Variants in MNAT1 observed in about 807,000 individuals in gnomAD.
The protein encoded by MNAT1 is MNAT1 component of CDK activating kinase.
MNAT1 carries 43 observed loss-of-function variants against 42.0 expected under a neutral mutation model. That is an observed-to-expected ratio of 1.02 (90% CI 0.80 to 1.32). The LOEUF is 1.32. Ranked by LOEUF, MNAT1 falls within the 40% of genes most tolerant of loss-of-function variation. MNAT1 has a pLI of 0.00. For synonymous variants in MNAT1, 118 were observed against 120.0 expected, an observed-to-expected ratio of 0.98 and a Z score of 0.11; for missense variants, 306 against 350.4, an observed-to-expected ratio of 0.87 and a Z score of 1.01.
At chr14:60,821,516 T>A (rs1161075879) in intron 6 of MNAT1, among the ~76,000 whole-genome samples, 1 of 152,210 alleles carries the variant, frequency 6.6e-6, no homozygotes, top group African/African-American at 2.4e-5. Context: ...GATCCTGAAG[T>A]ACTTTCAAGT....
At chr14:60,772,829 C>T (rs2031108545) in intron 1 of MNAT1, among the ~76,000 whole-genome samples, 1 of 150,688 alleles carries the variant, frequency 6.6e-6, no homozygotes, top group African/African-American at 2.4e-5. Flanking sequence ...AAGAGTAATC[C>T]CAAGGCTTTG....
At chr14:60,864,523 A>G (rs1331611135) in intron 6 of MNAT1, among the ~76,000 whole-genome samples, 1 of 152,066 alleles carries the variant, frequency 6.6e-6, no homozygotes, top group African/African-American at 2.4e-5. Context: ...AACAGGTAAA[A>G]CATACTTACC....
intron 1 of MNAT1, among the ~76,000 whole-genome samples, chr14:60,777,262 T>A (rs1032883225): frequency 9.2e-5 from 14 of 152,188 alleles, no homozygotes; most frequent in Non-Finnish European, 1.8e-4. Context: ...CTTTGTATAA[T>A]CCCATTATTG....
chr14:60,749,159 G>A (rs1265744631), intron 1 of MNAT1, among the ~76,000 whole-genome samples: 1 of 152,176 alleles, frequency 6.6e-6, no homozygotes, highest in Non-Finnish European at 1.5e-5. Context: ...AATCTATCCA[G>A]ATTTGTACCT....
chr14:60,748,619 A>G (rs2029935150), intron 1 of MNAT1, among the ~76,000 whole-genome samples: 1 of 152,230 alleles, frequency 6.6e-6, no homozygotes. Flanking sequence ...AGACCTACAC[A>G]GGGTCAGGAT....
At chr14:60,744,668 G>A (rs1221479946) in intron 1 of MNAT1, among the ~76,000 whole-genome samples, 1 of 152,118 alleles carries the variant, frequency 6.6e-6, no homozygotes, top group Non-Finnish European at 1.5e-5. Context: ...ATGATATGTG[G>A]AGAACCCATT....
At chr14:60,925,303 A>G (rs915673093) in intron 7 of MNAT1, among the ~76,000 whole-genome samples, 3 of 152,212 alleles carry the variant, frequency 2.0e-5, no homozygotes, top group Admixed American at 2.0e-4. Flanking sequence ...TTATATGGAA[A>G]TACAGTGCCA....
intron 7 of MNAT1, among the ~76,000 whole-genome samples, chr14:60,936,170 C>A (rs142087906): frequency 0.013 from 1,952 of 152,258 alleles, 43 homozygotes; most frequent in African/African-American, 0.045. Context: ...ACGAAAGCAT[C>A]TGATGTAAAC....
At chr14:60,943,035 T>C (rs1269727375) in intron 7 of MNAT1, among the ~76,000 whole-genome samples, 1 of 125,532 alleles carries the variant, frequency 8.0e-6, no homozygotes, top group African/African-American at 3.0e-5. Flanking sequence ...TGTGTGTGTG[T>C]GTGTGTGTGT....
chr14:60,901,317 C>T (rs2035068795), intron 7 of MNAT1, among the ~76,000 whole-genome samples: 1 of 152,174 alleles, frequency 6.6e-6, no homozygotes, highest in African/African-American at 2.4e-5. Flanking sequence ...TTTCAAAATA[C>T]TGCTACTCAT....
intron 6 of MNAT1, among the ~76,000 whole-genome samples, chr14:60,845,482 G>T (rs202244979): frequency 6.6e-6 from 1 of 151,942 alleles, no homozygotes; most frequent in East Asian, 1.9e-4. Flanking sequence ...GATTAGTCTA[G>T]GTAGATGTTG....
chr14:60,895,793 G>C (rs894047662), intron 7 of MNAT1, among the ~76,000 whole-genome samples: 1 of 151,992 alleles, frequency 6.6e-6, no homozygotes, highest in African/African-American at 2.4e-5. Flanking sequence ...CAAAACAAAA[G>C]AAATCATCTC....
intron 6 of MNAT1, among the ~76,000 whole-genome samples, chr14:60,844,583 G>C (rs559141509): frequency 6.6e-6 from 1 of 152,156 alleles, no homozygotes; most frequent in East Asian, 1.9e-4. Context: ...TACTTATTGA[G>C]TAGTCGTTTT....
chr14:60,780,471 A>G (rs4151185), intron 1 of MNAT1: 1,477,228 of 1,528,640 alleles, frequency 0.97, 716,622 homozygotes, highest in Non-Finnish European at 0.99. Context: ...GTTGTACCTG[A>G]AAAATGGGAA....
chr14:60,848,305 T>C (rs8022875), intron 6 of MNAT1, among the ~76,000 whole-genome samples: 140,644 of 152,208 alleles, frequency 0.92, 65,522 homozygotes, highest in Non-Finnish European at 0.99. Flanking sequence ...GTGTGATAAG[T>C]ATTTTCTCTT....
chr14:60,862,577 G>A (rs2034121383), intron 6 of MNAT1, among the ~76,000 whole-genome samples: 1 of 152,214 alleles, frequency 6.6e-6, no homozygotes, highest in South Asian at 2.1e-4. Context: ...TGCTTTTGTA[G>A]AGGTCATTGT....
chr14:60,740,572 A>G lies in MNAT1; in HGVS notation c.89+5621A>G, dbSNP rs531334543. On this transcript the variant is annotated intron_variant, in intron 1 of 7. Transcript: ENST00000261245. This position sits in a 1 kb window ranked among gnomAD's most constrained non-coding sequence, Gnocchi z 4.1. Reference sequence around the variant, plus strand: ...TAAGTGGTGTTAACTCATTTAATATACTGATCTTATTCAGTACCTTTGTGC... The same window carrying G: ...TAAGTGGTGTTAACTCATTTAATATGCTGATCTTATTCAGTACCTTTGTGC... 1.3e-5 allele frequency among the ~76,000 whole-genome samples: 2 copies of G among 152,334 alleles called. No individual in the cohort carries two copies. The highest frequency in any genetic ancestry group is 1.3e-4 in the Admixed American group (2 of 15,290).
At chr14:60,831,220 G>A (rs896303424) in intron 6 of MNAT1, among the ~76,000 whole-genome samples, 6 of 151,960 alleles carry the variant, frequency 3.9e-5, no homozygotes, top group Non-Finnish European at 7.4e-5. Flanking sequence ...AAGTTCTTGG[G>A]ATACATGTGG....
intron 7 of MNAT1, among the ~76,000 whole-genome samples, chr14:60,944,747 A>C (rs1337739223): frequency 6.6e-6 from 1 of 152,172 alleles, no homozygotes; most frequent in Non-Finnish European, 1.5e-5. Flanking sequence ...TCAAATTGTC[A>C]AGATTTTGGT....
Sources: allele counts gnomAD v4.1 joint callset (sites outside exome capture counted in the v4.1 genomes callset), GRCh38; gene constraint gnomAD v4.1.1; non-coding constraint Gnocchi (gnomAD v3.1); transcripts MANE v1.5; gene names NCBI Gene and HGNC (gene_info 2026-07-23, HGNC 2026-07-21).